The following RUNX1 variants were observed in gnomAD, a reference collection of about 807,000 sequenced individuals.
RUNX1 encodes the protein RUNX family transcription factor 1.
A neutral mutation model predicts 42.8 loss-of-function variants in RUNX1; 19 were observed. The observed-to-expected ratio is 0.44, with a 90% CI of 0.31 to 0.65. The LOEUF is 0.65. RUNX1 is among the 30% of genes least tolerant of loss of function. RUNX1 has a pLI of 0.07. For missense variants in RUNX1, 528 were observed against 672.0 expected (o/e 0.79, Z 2.37); for synonymous variants, 271 against 289.4 (o/e 0.94, Z 0.64).
chr21:34,865,036 G>C (rs2057636594), intron 5 of RUNX1, among the ~76,000 whole-genome samples: 1 of 152,098 alleles, frequency 6.6e-6, no homozygotes, highest in Non-Finnish European at 1.5e-5. Context: ...TGGGGCCTCA[G>C]CTTTGTCATC....
At chr21:34,864,485 A>AC (rs1337422746) in intron 5 of RUNX1, among the ~76,000 whole-genome samples, 2 of 152,098 alleles carry the variant, frequency 1.3e-5, no homozygotes, top group Admixed American at 6.5e-5. Flanking sequence ...AGCCTGGAGG[A>AC]TCCAAGGCTC....
At position 34,792,460 on chromosome 21, in the gene RUNX1, G is replaced by A. The variant is rs2145876569; in HGVS notation, c.1118C>T (p.Ser373Leu). ...GIGIGMSAMG[S>L]ATRYHTYLPP... is the part of the protein sequence containing the mutation. ...CAGGTAGGTGTGGTAGCGCGTGGCC[G>A]AGCCCATGGCCGACATGCCGATGCC... Residue 373 changes from serine to leucine, a missense_variant, in exon 9 of 9, where the codon TCG (serine) becomes TTG (leucine). By Grantham distance (145) the Ser-to-Leu change is moderately radical. Coordinates refer to ENST00000675419, the MANE Select transcript of RUNX1 (RefSeq NM_001754.5). This position sits in a 1 kb window ranked among gnomAD's most constrained non-coding sequence, Gnocchi z 6.9. 1.3e-6 allele frequency: 2 copies of A among 1,581,300 alleles called. No individual in the cohort carries two copies. The highest frequency in any genetic ancestry group is 1.7e-6 in the Non-Finnish European group (2 of 1,163,808).
intron 6 of RUNX1, among the ~76,000 whole-genome samples, chr21:34,837,358 A>G (rs1394058215): frequency 3.3e-5 from 5 of 152,134 alleles, no homozygotes; most frequent in African/African-American, 7.2e-5. Flanking sequence ...GAGCTGTGAC[A>G]CCAAGGCACA....
rs2056648301 is a variant in RUNX1, at chr21:34,804,227, A to G, written c.806-4765T>C. Among the ~76,000 whole-genome samples the G allele has an allele frequency of 2.6e-5, 4 of 152,298 alleles. No individual in the cohort carries two copies. In the South Asian group the frequency reaches 8.3e-4, roughly 32 times the overall value. On this transcript the variant is annotated intron_variant, in intron 7 of 8. Coordinates refer to ENST00000675419, the MANE Select transcript of RUNX1 (RefSeq NM_001754.5). ...ACTAGTGTGCGAATAAGACACTCCT[A>G]GGGGCTACAGTTTCAGGAGGAAGTG...
In RUNX1 at chr21:34,845,774, C is replaced by T. The variant is rs376998941; in HGVS notation, c.614-11173G>A. On this transcript the variant is annotated intron_variant, in intron 6 of 8. Transcript: ENST00000675419. ...TCCTTCATTTTCTCAGCAGCTGCAG[C>T]GGAGAGATATAGTAAAGCTACTGTA... Among the ~76,000 whole-genome samples, 8 of 151,988 alleles carry T rather than the reference C, an allele frequency of 5.3e-5. No homozygotes were observed. The East Asian group carries it at 7.7e-4, about 15-fold the overall frequency.
At chr21:34,889,730 G>C (rs969261919) in intron 3 of RUNX1, 5 of 1,183,124 alleles carry the variant, frequency 4.2e-6, no homozygotes, top group South Asian at 1.9e-5. Context: ...CCGCGGTGCT[G>C]CGGGCATTTT....
intron 2 of RUNX1, among the ~76,000 whole-genome samples, chr21:34,931,266 G>A (rs1037037736): frequency 6.6e-6 from 1 of 150,844 alleles, no homozygotes; most frequent in African/African-American, 2.4e-5. Context: ...GGAAGGTAGT[G>A]TCTTTGTTTG....
In RUNX1 at chr21:34,936,859, C is replaced by T. The variant is rs968810973; in HGVS notation, c.59-43896G>A. Among the ~76,000 whole-genome samples, 3 of 151,324 alleles carry T rather than the reference C, an allele frequency of 2.0e-5. No homozygotes were observed. In the South Asian group the frequency reaches 6.2e-4, roughly 31 times the overall value. ...AAATACTTGACAGTTGAAAAGAATT[C>T]TTTTTTTTTCTTCCTATCCAGACTA... On this transcript the variant is annotated intron_variant, in intron 2 of 8. Transcript: ENST00000675419.
chr21:34,987,703 T>C (rs2834717), intron 2 of RUNX1, among the ~76,000 whole-genome samples: 10,473 of 152,158 alleles, frequency 0.069, 1,168 homozygotes, highest in African/African-American at 0.24. Context: ...TTATCCTAGC[T>C]AGGAGAGCAC....
intron 7 of RUNX1, among the ~76,000 whole-genome samples, chr21:34,816,651 C>A (rs1018662796): frequency 1.3e-5 from 2 of 151,902 alleles, no homozygotes; most frequent in African/African-American, 4.8e-5. Flanking sequence ...GGAGATGGGG[C>A]AGGTGAGGTG....
At chr21:35,027,475 A>C (rs940186231) in intron 2 of RUNX1, among the ~76,000 whole-genome samples, 1 of 152,184 alleles carries the variant, frequency 6.6e-6, no homozygotes, top group African/African-American at 2.4e-5. Flanking sequence ...TTTAGAGTAA[A>C]ACCTAATAGA....
intron 2 of RUNX1, among the ~76,000 whole-genome samples, chr21:34,912,270 G>C (rs2058278520): frequency 6.7e-6 from 1 of 149,748 alleles, no homozygotes; most frequent in East Asian, 2.0e-4. Flanking sequence ...ATTGAGTGGT[G>C]AAAAAATATT....
At chr21:35,039,961 A>G (rs2059345463) in intron 2 of RUNX1, among the ~76,000 whole-genome samples, 1 of 152,166 alleles carries the variant, frequency 6.6e-6, no homozygotes, top group Non-Finnish European at 1.5e-5. Flanking sequence ...AAATAATTTC[A>G]TTTTCACCCA....
At chr21:34,938,301 T>A (rs568381588) in intron 2 of RUNX1, among the ~76,000 whole-genome samples, 3 of 152,152 alleles carry the variant, frequency 2.0e-5, no homozygotes, top group African/African-American at 7.2e-5. Flanking sequence ...AAGTGACTCC[T>A]CCTCAGAACT....
chr21:34,991,544 CGATGATGAT>C (rs10578831), intron 2 of RUNX1, among the ~76,000 whole-genome samples: 1 of 150,978 alleles, frequency 6.6e-6, no homozygotes, highest in African/African-American at 2.4e-5. Flanking sequence ...GCAGGGATTA[CGATGATGAT>C]GATGATGATG....
At chr21:34,953,625 T>G (rs1209672987) in intron 2 of RUNX1, among the ~76,000 whole-genome samples, 2 of 152,184 alleles carry the variant, frequency 1.3e-5, no homozygotes, top group African/African-American at 2.4e-5. Context: ...AAGAAAGAAA[T>G]AAACTTTTAT....
intron 7 of RUNX1, among the ~76,000 whole-genome samples, chr21:34,808,612 TCA>T (rs1337826115): frequency 5.9e-5 from 9 of 152,186 alleles, no homozygotes; most frequent in Non-Finnish European, 1.3e-4. Context: ...CTCACTTGCC[TCA>T]CAGGTGTGAG....
Position 34,926,281 on chromosome 21 carries a change from C to T in RUNX1, c.59-33318G>A, listed in dbSNP as rs1015290555. ...CTTGACCCCAAAAGTTTGAGACCAG[C>T]CTGGGCAACATAGTGGGACCCCATC... On this transcript the variant is annotated intron_variant, in intron 2 of 8. Coordinates refer to ENST00000675419, the MANE Select transcript of RUNX1 (RefSeq NM_001754.5). Among the ~76,000 whole-genome samples, 19 of 151,384 alleles carry T rather than the reference C, an allele frequency of 1.3e-4. 1 individual carries two copies. The highest frequency in any genetic ancestry group is 4.2e-4 in the South Asian group (2 of 4,766).
intron 6 of RUNX1, among the ~76,000 whole-genome samples, chr21:34,839,213 G>T (rs2057193383): frequency 6.6e-6 from 1 of 152,084 alleles, no homozygotes; most frequent in Admixed American, 6.6e-5. Context: ...AAGAGGGCAG[G>T]TCTGAAAACA....
Sources: gnomAD v4.1 joint callset for allele counts (sites outside exome capture counted in the v4.1 genomes callset) on GRCh38, gnomAD v4.1.1 for gene constraint, Gnocchi (gnomAD v3.1) non-coding constraint, MANE v1.5 for transcripts, NCBI Gene and HGNC (gene_info 2026-07-23, HGNC 2026-07-21) for gene names.